Variants in TASP1 observed in about 807,000 individuals in gnomAD.
TASP1 encodes taspase 1.
A neutral mutation model predicts 56.6 loss-of-function variants in TASP1; 16 were observed. The ratio of observed to expected loss-of-function variants is 0.28; its 90% CI spans 0.19 to 0.43. The LOEUF (loss-of-function observed/expected upper bound fraction) is 0.43, where lower values mean the gene tolerates loss of function less well. Among genes scored for constraint, TASP1 ranks in the 20% least tolerant of loss-of-function variants. TASP1 has a pLI of 1.00. For missense variants in TASP1, 393 were observed against 511.6 expected, an observed-to-expected ratio of 0.77 and a Z score of 2.24; for synonymous variants, 179 against 184.2, an observed-to-expected ratio of 0.97 and a Z score of 0.23.
At chr20:13,164,744 C>A in the TASP1 span, 7 of 1,607,362 alleles carry the variant, frequency 4.4e-6, no homozygotes, top group Admixed American at 1.7e-5. Flanking sequence ...GGAAAGCAAT[C>A]TCATTGCAGG....
chr20:13,224,747 T>C, the TASP1 span, among the ~76,000 whole-genome samples: 4 of 152,194 alleles, frequency 2.6e-5, no homozygotes, highest in East Asian at 7.7e-4. Context: ...AATAAAGTAG[T>C]AGTAAGAAAA....
intron 6 of TASP1, among the ~76,000 whole-genome samples, chr20:13,578,970 G>A (rs1207898435): frequency 6.6e-6 from 1 of 152,170 alleles, no homozygotes; most frequent in African/African-American, 2.4e-5. Context: ...CTTGGTAAAT[G>A]CCATGAGGAG....
chr20:13,548,972 T>A (rs2146993497), intron 8 of TASP1, among the ~76,000 whole-genome samples: 1 of 152,244 alleles, frequency 6.6e-6, no homozygotes, highest in South Asian at 2.1e-4. Flanking sequence ...GAATAAAGAA[T>A]TCCTTAATAA....
At chr20:13,486,805 C>T (rs903691252) in intron 10 of TASP1, among the ~76,000 whole-genome samples, 1 of 152,082 alleles carries the variant, frequency 6.6e-6, no homozygotes, top group African/African-American at 2.4e-5. Flanking sequence ...TACTTGAATC[C>T]GATTAGGCCT....
chr20:13,588,246 G>A (rs867971017), intron 4 of TASP1, among the ~76,000 whole-genome samples: 3 of 108,604 alleles, frequency 2.8e-5, no homozygotes, highest in East Asian at 2.7e-4. Context: ...AGAAAGAAAG[G>A]AAGAAAGGAA....
the TASP1 span, among the ~76,000 whole-genome samples, chr20:13,217,357 T>C: frequency 1.3e-5 from 2 of 152,166 alleles, no homozygotes; most frequent in East Asian, 3.9e-4. Flanking sequence ...CTTTCCATAG[T>C]AAAAAAAATT....
chr20:13,524,207 A>C (rs1328420709), intron 10 of TASP1, among the ~76,000 whole-genome samples: 1 of 152,024 alleles, frequency 6.6e-6, no homozygotes, highest in Non-Finnish European at 1.5e-5. Context: ...CGGAAAAGCA[A>C]TGTTAAGGTA....
At chr20:13,326,698 A>T in the TASP1 span, among the ~76,000 whole-genome samples, 1 of 152,002 alleles carries the variant, frequency 6.6e-6, no homozygotes, top group African/African-American at 2.4e-5. Context: ...TCATTTTTTA[A>T]ATTGGGTTGT....
intron 6 of TASP1, among the ~76,000 whole-genome samples, chr20:13,571,139 A>G (rs911585564): frequency 2.0e-5 from 3 of 152,210 alleles, no homozygotes; most frequent in African/African-American, 4.8e-5. Context: ...GCTATTGTCA[A>G]CTATTTAAGT....
the TASP1 span, among the ~76,000 whole-genome samples, chr20:13,144,294 C>G: frequency 6.6e-6 from 1 of 152,168 alleles, no homozygotes; most frequent in Non-Finnish European, 1.5e-5. Context: ...TTATAAGACC[C>G]TTGAAAATAG....
the TASP1 span, chr20:13,221,727 C>T: frequency 3.0e-6 from 4 of 1,338,524 alleles, no homozygotes; most frequent in South Asian, 7.6e-5. Context: ...GCGTCACCGC[C>T]GCCGCCGCCG....
At chr20:13,597,110 G>A (rs899702040) in intron 4 of TASP1, among the ~76,000 whole-genome samples, 3 of 152,190 alleles carry the variant, frequency 2.0e-5, no homozygotes, top group African/African-American at 7.2e-5. Context: ...GGTACAAAGG[G>A]GAGCTGGTAT....
chr20:13,111,167 A>C, the TASP1 span, among the ~76,000 whole-genome samples: 1 of 152,076 alleles, frequency 6.6e-6, no homozygotes, highest in Non-Finnish European at 1.5e-5. Context: ...TTCTGCCCCC[A>C]TGGTTAGGGT....
chr20:13,448,607 G>A (rs1044422003), intron 11 of TASP1, among the ~76,000 whole-genome samples: 2 of 152,022 alleles, frequency 1.3e-5, no homozygotes, highest in East Asian at 1.9e-4. Flanking sequence ...ACAAAGAAAC[G>A]TGGCGTGGTA....
At chr20:13,288,345 C>T in the TASP1 span, among the ~76,000 whole-genome samples, 3 of 152,194 alleles carry the variant, frequency 2.0e-5, no homozygotes, top group Non-Finnish European at 4.4e-5. Context: ...TGCCCAAAAC[C>T]TCCTTGCTGT....
At chr20:13,428,833 T>A (rs1159027391) in intron 12 of TASP1, among the ~76,000 whole-genome samples, 2 of 152,230 alleles carry the variant, frequency 1.3e-5, no homozygotes, top group Non-Finnish European at 2.9e-5. Context: ...TTTTCTGTGA[T>A]ATTTCATTTT....
downstream of TASP1, among the ~76,000 whole-genome samples, chr20:13,386,520 T>C (rs1184770981): frequency 6.6e-6 from 1 of 152,212 alleles, no homozygotes; most frequent in African/African-American, 2.4e-5. Context: ...CAATTATTAA[T>C]ACAATCTCAA....
At chr20:13,448,733 A>G (rs972090876) in intron 11 of TASP1, among the ~76,000 whole-genome samples, 1 of 152,106 alleles carries the variant, frequency 6.6e-6, no homozygotes, top group Non-Finnish European at 1.5e-5. Flanking sequence ...TAGGAAATGC[A>G]ACATTTTTTT....
At chr20:13,373,336 A>G in the TASP1 span, among the ~76,000 whole-genome samples, 1 of 152,130 alleles carries the variant, frequency 6.6e-6, no homozygotes, top group East Asian at 1.9e-4. Context: ...AATTGCAATT[A>G]TCAGTGCTCT....
Sources: gnomAD v4.1 joint callset for allele counts (sites outside exome capture counted in the v4.1 genomes callset) on GRCh38, gnomAD v4.1.1 for gene constraint, MANE v1.5 for transcripts, NCBI Gene and HGNC (gene_info 2026-07-23, HGNC 2026-07-21) for gene names.